The following TTC29 variants were observed in gnomAD, a reference collection of about 807,000 sequenced individuals.
TTC29 encodes tetratricopeptide repeat protein 29.
In TTC29, 49 loss-of-function variants were observed where a neutral mutation model predicts 58.1. The ratio of observed to expected loss-of-function variants is 0.84; its 90% CI spans 0.67 to 1.07. The LOEUF (loss-of-function observed/expected upper bound fraction) is 1.07. Among genes scored for constraint, TTC29 ranks in the 50% least tolerant of loss-of-function variants. TTC29 has a pLI of 0.00. For missense variants in TTC29, 582 were observed against 555.6 expected, an observed-to-expected ratio of 1.05 and a Z score of -0.48; for synonymous variants, 209 against 196.8, an observed-to-expected ratio of 1.06 and a Z score of -0.52.
At chr4:146,891,727 C>T (rs1732379132) in intron 6 of TTC29, among the ~76,000 whole-genome samples, 2 of 152,190 alleles carry the variant, frequency 1.3e-5, no homozygotes, top group Admixed American at 1.3e-4. Flanking sequence ...TTTCTGCAGA[C>T]AGAACCATGC....
chr4:146,715,485 T>C (rs1290226292), intron 11 of TTC29, among the ~76,000 whole-genome samples: 1 of 152,260 alleles, frequency 6.6e-6, no homozygotes, highest in East Asian at 1.9e-4. Flanking sequence ...CTGGTGAACA[T>C]TATGTTCAGT....
chr4:146,934,874 C>G (rs906164477), intron 4 of TTC29, among the ~76,000 whole-genome samples: 3 of 151,990 alleles, frequency 2.0e-5, no homozygotes, highest in African/African-American at 7.3e-5. Flanking sequence ...ATGGGTGACC[C>G]TAAAGAGGCA....
At chr4:146,932,775 G>T (rs1735438983) in intron 4 of TTC29, among the ~76,000 whole-genome samples, 1 of 152,092 alleles carries the variant, frequency 6.6e-6, no homozygotes, top group African/African-American at 2.4e-5. Context: ...TATGAAAGTA[G>T]GCCAGGCGCG....
intron 10 of TTC29, among the ~76,000 whole-genome samples, chr4:146,805,809 C>A (rs1156934198): frequency 1.3e-5 from 2 of 152,100 alleles, no homozygotes; most frequent in African/African-American, 4.8e-5. Flanking sequence ...TTAGAAAACA[C>A]CCTTCAGGAT....
At chr4:146,849,073 T>G (rs759769876) in intron 8 of TTC29, among the ~76,000 whole-genome samples, 1 of 152,138 alleles carries the variant, frequency 6.6e-6, no homozygotes, top group Non-Finnish European at 1.5e-5. Context: ...GCCCTCAGTA[T>G]GCCTGAGTCA....
At chr4:146,807,012 AAAG>A (rs1308352684) in intron 10 of TTC29, among the ~76,000 whole-genome samples, 1 of 152,216 alleles carries the variant, frequency 6.6e-6, no homozygotes, top group Non-Finnish European at 1.5e-5. Flanking sequence ...AGAAAATACA[AAAG>A]AATAGAAATC....
rs1396719 is a variant in TTC29, at chr4:146,786,428, A to G, written c.1330+17029T>C. Among the ~76,000 whole-genome samples the G allele has an allele frequency of 5.6e-3, 850 of 152,310 alleles. 6 individuals carry two copies. Among genetic ancestry groups the G allele is most frequent in the African/African-American group, 0.02 (824 of 41,578 alleles). On this transcript the variant is annotated intron_variant, in intron 11 of 12. Transcript: ENST00000325106. The stretch of plus-strand genomic sequence containing the variant: ...TACTAAAAGATAATTTGGATGTCAC[A>G]TCACTTGTTTTATGCACACGGATGA...
chr4:146,781,129 C>A (rs541060715), intron 11 of TTC29, among the ~76,000 whole-genome samples: 9 of 152,042 alleles, frequency 5.9e-5, no homozygotes, highest in Admixed American at 2.6e-4. Flanking sequence ...ACATCCTCCC[C>A]TTTTTGAAAT....
At chr4:146,823,569 G>T (rs1192474421) in intron 9 of TTC29, among the ~76,000 whole-genome samples, 1 of 152,164 alleles carries the variant, frequency 6.6e-6, no homozygotes, top group African/African-American at 2.4e-5. Context: ...GCTTAAGATT[G>T]TCCTGGCTAT....
At chr4:146,914,049 C>A (rs990759496) in intron 4 of TTC29, among the ~76,000 whole-genome samples, 12 of 152,088 alleles carry the variant, frequency 7.9e-5, no homozygotes, top group Non-Finnish European at 1.8e-4. Context: ...ACTGTTTAAG[C>A]CTCATTGCTA....
chr4:146,864,633 G>A (rs1337148076), intron 8 of TTC29, among the ~76,000 whole-genome samples: 1 of 152,104 alleles, frequency 6.6e-6, no homozygotes, highest in Non-Finnish European at 1.5e-5. Context: ...CTTTTTAAAG[G>A]CTGTAGGAGA....
Position 146,709,983 on chromosome 4 carries a change from C to T in TTC29, c.1331-2432G>A, listed in dbSNP as rs188915734. On this transcript the variant is annotated intron_variant, in intron 11 of 12. Coordinates refer to ENST00000325106, the MANE Select transcript of TTC29 (RefSeq NM_031956.4). ...CAAGACAGGGTTTCAGTCCTTCCTT[C>T]TGCCTCCCACTCATCAGTGCTCTTC... Among the ~76,000 whole-genome samples, 19 of 152,256 alleles carry T rather than the reference C, an allele frequency of 1.2e-4. No homozygotes were observed. The East Asian group carries it at 2.9e-3, about 23-fold the overall frequency.
At chr4:146,884,682 G>A (rs907885479) in intron 6 of TTC29, among the ~76,000 whole-genome samples, 2 of 152,046 alleles carry the variant, frequency 1.3e-5, no homozygotes, top group African/African-American at 2.4e-5. Flanking sequence ...ATGCTCCCAA[G>A]GAACTTGCTT....
At chr4:146,856,825 T>G (rs542588822) in intron 8 of TTC29, among the ~76,000 whole-genome samples, 1 of 151,716 alleles carries the variant, frequency 6.6e-6, no homozygotes, top group African/African-American at 2.4e-5. Context: ...TCTGTGATCT[T>G]TACTACAGAA....
rs1280943731 is a variant in TTC29, at chr4:146,706,748, C to A, written c.*410G>T. 1.3e-5 allele frequency: 2 copies of A among 155,472 alleles called. No homozygotes were observed. Among genetic ancestry groups the A allele is most frequent in the African/African-American group, 4.8e-5 (2 of 41,574 alleles). The allele number at this position is 155,472 out of a possible 1,614,324, so 9.6% of individuals were successfully genotyped here. A position where few individuals can be genotyped will look rare whatever the true frequency, so the allele number is the denominator to read the frequency against. ...TATGGTAGGCTTAATTGCTTATACT[C>A]CTTTTATCTATGTTGAGAAGTTTCC... On this transcript the variant is annotated 3_prime_UTR_variant, in exon 13 of 13. Transcript: ENST00000325106.
At chr4:146,905,151 T>G (rs1733438216) in intron 5 of TTC29, among the ~76,000 whole-genome samples, 1 of 152,132 alleles carries the variant, frequency 6.6e-6, no homozygotes, top group African/African-American at 2.4e-5. Flanking sequence ...TACTCCCACC[T>G]CAGAATACTT....
At chr4:146,800,926 T>C (rs1054569711) in intron 11 of TTC29, among the ~76,000 whole-genome samples, 1 of 152,122 alleles carries the variant, frequency 6.6e-6, no homozygotes, top group Non-Finnish European at 1.5e-5. Flanking sequence ...GAGAAATGAA[T>C]GACATTCAAT....
At chr4:146,928,209 T>C (rs1735067834) in intron 4 of TTC29, among the ~76,000 whole-genome samples, 1 of 152,134 alleles carries the variant, frequency 6.6e-6, no homozygotes, top group Non-Finnish European at 1.5e-5. Flanking sequence ...GGCAGAATGG[T>C]ATAATGCTCC....
At chr4:146,886,028 T>C (rs1731958753) in intron 6 of TTC29, among the ~76,000 whole-genome samples, 1 of 152,146 alleles carries the variant, frequency 6.6e-6, no homozygotes, top group African/African-American at 2.4e-5. Context: ...TCTTACCAAT[T>C]GATGGATACA....
Sources: gnomAD v4.1 joint callset for allele counts (sites outside exome capture counted in the v4.1 genomes callset) on GRCh38, gnomAD v4.1.1 for gene constraint, MANE v1.5 for transcripts, NCBI Gene and HGNC (gene_info 2026-07-23, HGNC 2026-07-21) for gene names.